Variants in DAB1 observed in about 807,000 individuals in gnomAD.
DAB1 encodes the protein disabled homolog 1.
A neutral mutation model predicts 64.6 loss-of-function variants in DAB1; 15 were observed. The observed-to-expected ratio is 0.23, with a 90% CI of 0.16 to 0.36. The LOEUF (loss-of-function observed/expected upper bound fraction) is 0.36, where lower values mean the gene tolerates loss of function less well. Ranked by LOEUF, DAB1 falls within the 10% of genes least tolerant of loss-of-function variation. The pLI is 1.00. For missense variants in DAB1, 596 were observed against 706.7 expected (o/e 0.84, Z 1.78); for synonymous variants, 235 against 251.9 (o/e 0.93, Z 0.64).
chr1:57,462,783 T>A (rs932034951), intron 7 of DAB1, among the ~76,000 whole-genome samples: 1 of 152,116 alleles, frequency 6.6e-6, no homozygotes, highest in Admixed American at 6.5e-5. Context: ...GAGTGAAGGA[T>A]CTAGCATGTA....
chr1:57,637,141 T>C (rs1390987873), intron 7 of DAB1, among the ~76,000 whole-genome samples: 1 of 152,184 alleles, frequency 6.6e-6, no homozygotes, highest in African/African-American at 2.4e-5. Flanking sequence ...ATACTTACTA[T>C]CTACTAATAC....
intron 3 of DAB1, among the ~76,000 whole-genome samples, chr1:58,387,539 G>A (rs1021056927): frequency 2.0e-5 from 3 of 152,102 alleles, no homozygotes; most frequent in African/African-American, 2.4e-5. Context: ...TGCTGTGAAC[G>A]AAGATGTCTT....
intron 9 of DAB1, among the ~76,000 whole-genome samples, chr1:57,050,581 A>T (rs948254339): frequency 5.3e-5 from 8 of 152,166 alleles, no homozygotes; most frequent in African/African-American, 1.9e-4. Flanking sequence ...CTTTCTCCAG[A>T]GACAAACTCC....
chr1:57,536,066 G>A (rs1644723895), intron 7 of DAB1, among the ~76,000 whole-genome samples: 1 of 152,146 alleles, frequency 6.6e-6, no homozygotes, highest in African/African-American at 2.4e-5. Flanking sequence ...CTAGATTTCT[G>A]TTTGCAAACA....
Position 57,305,728 on chromosome 1 carries a change from G to A in DAB1, c.-136-14562C>T, listed in dbSNP as rs143538753. ...CTCACACCTGTAATCCCAGCACTTT[G>A]GGAGGCGGAGGCGGGCAGATCACGA... On this transcript the variant is annotated intron_variant, in intron 1 of 14. Transcript: ENST00000371236. 3.5e-3 allele frequency among the ~76,000 whole-genome samples: 538 copies of A among 152,236 alleles called. 2 individuals carry two copies. The highest frequency in any genetic ancestry group is 0.012 in the African/African-American group (515 of 41,542).
At chr1:57,090,327 A>G (rs1019088924) in intron 4 of DAB1, among the ~76,000 whole-genome samples, 1 of 152,178 alleles carries the variant, frequency 6.6e-6, no homozygotes, top group Non-Finnish European at 1.5e-5. Flanking sequence ...AGGTAAGCAC[A>G]AGGATGAAAA....
intron 6 of DAB1, among the ~76,000 whole-genome samples, chr1:57,766,483 C>T (rs1218026146): frequency 6.6e-6 from 1 of 152,080 alleles, no homozygotes; most frequent in Non-Finnish European, 1.5e-5. Flanking sequence ...CTCAAACATG[C>T]CAGGCACAAT....
chr1:57,110,878 A>G (rs564575), intron 4 of DAB1, among the ~76,000 whole-genome samples: 115,560 of 151,916 alleles, frequency 0.76, 44,179 homozygotes, highest in East Asian at 0.98. Flanking sequence ...CTGAAATCAC[A>G]CATCAGAAAG....
At chr1:57,993,265 C>T (rs1044142426) in intron 5 of DAB1, among the ~76,000 whole-genome samples, 6 of 151,982 alleles carry the variant, frequency 3.9e-5, no homozygotes, top group Non-Finnish European at 8.8e-5. Context: ...TCAGATAATT[C>T]AATTTGTCAC....
intron 2 of DAB1, among the ~76,000 whole-genome samples, chr1:57,181,931 G>A (rs1662987265): frequency 6.6e-6 from 1 of 152,198 alleles, no homozygotes; most frequent in African/African-American, 2.4e-5. Flanking sequence ...TGTCACCCAG[G>A]CTGCAGTGCA....
chr1:57,598,726 G>C (rs572402212), intron 7 of DAB1, among the ~76,000 whole-genome samples: 1 of 152,090 alleles, frequency 6.6e-6, no homozygotes, highest in Non-Finnish European at 1.5e-5. Context: ...GAAAGCTTCC[G>C]AGAGACAGTC....
intron 7 of DAB1, among the ~76,000 whole-genome samples, chr1:57,440,783 G>C (rs2101132398): frequency 6.6e-6 from 1 of 152,270 alleles, no homozygotes; most frequent in African/African-American, 2.4e-5. Flanking sequence ...CCAGTTAGTT[G>C]TATTATTGTA....
At chr1:57,194,018 G>C (rs1423713213) in intron 2 of DAB1, among the ~76,000 whole-genome samples, 2 of 152,196 alleles carry the variant, frequency 1.3e-5, no homozygotes, top group Non-Finnish European at 2.9e-5. Flanking sequence ...GGGCAGTGCT[G>C]GGCACCTGAG....
intron 4 of DAB1, among the ~76,000 whole-genome samples, chr1:58,338,114 C>G (rs1663166515): frequency 1.3e-5 from 2 of 152,152 alleles, no homozygotes; most frequent in Non-Finnish European, 2.9e-5. Flanking sequence ...CTGGGGAACA[C>G]CTTCAGGATT....
At chr1:57,386,563 C>T (rs3738553) in intron 1 of DAB1, 54,863 of 151,620 alleles carry the variant, frequency 0.36, 10,430 homozygotes, top group Non-Finnish European at 0.43. Flanking sequence ...CAGGAAGGAC[C>T]CTAGAGATCA....
chr1:58,474,684 A>C (rs1042039872), intron 3 of DAB1, among the ~76,000 whole-genome samples: 1 of 152,226 alleles, frequency 6.6e-6, no homozygotes, highest in Non-Finnish European at 1.5e-5. Flanking sequence ...ACTATGGAGC[A>C]GGAGAAATGC....
At chr1:58,301,926 A>G (rs921571680) in intron 4 of DAB1, among the ~76,000 whole-genome samples, 15 of 152,172 alleles carry the variant, frequency 9.9e-5, no homozygotes, top group African/African-American at 3.6e-4. Flanking sequence ...ATATGGAGAT[A>G]TTAGCTCTTA....
intron 4 of DAB1, among the ~76,000 whole-genome samples, chr1:58,217,919 A>G (rs1020100246): frequency 2.6e-5 from 4 of 152,148 alleles, no homozygotes; most frequent in African/African-American, 9.7e-5. Flanking sequence ...GTACTATATC[A>G]GCTTTACAGA....
At chr1:57,608,594 T>C (rs113028300) in intron 7 of DAB1, among the ~76,000 whole-genome samples, 50 of 152,330 alleles carry the variant, frequency 3.3e-4, no homozygotes, top group South Asian at 1.4e-3. Context: ...TATTAAATAC[T>C]TGTGATATGC....
Sources: allele counts gnomAD v4.1 joint callset (sites outside exome capture counted in the v4.1 genomes callset), GRCh38; gene constraint gnomAD v4.1.1; transcripts MANE v1.5; gene names NCBI Gene and HGNC (gene_info 2026-07-23, HGNC 2026-07-21).